Variants in AK9 observed in about 807,000 individuals in gnomAD.
AK9 encodes adenylate kinase 9, also known as adenylate kinase domain containing 1.
Under a neutral mutation model 239.6 loss-of-function variants are expected in AK9, and 191 were observed. The ratio of observed to expected loss-of-function variants is 0.80; its 90% CI spans 0.71 to 0.90. The LOEUF (loss-of-function observed/expected upper bound fraction) is 0.90, where lower values mean the gene tolerates loss of function less well. AK9 is among the 40% of genes least tolerant of loss of function. AK9 has a pLI of 0.00. For synonymous variants in AK9, 689 were observed against 721.0 expected, an observed-to-expected ratio of 0.96 and a Z score of 0.71; for missense variants, 1,995 against 2,214.7, an observed-to-expected ratio of 0.90 and a Z score of 1.99.
intron 38 of AK9, among the ~76,000 whole-genome samples, chr6:109,496,634 GTTC>G (rs1777063919): frequency 2.0e-5 from 3 of 152,066 alleles, no homozygotes; most frequent in African/African-American, 7.2e-5. Flanking sequence ...TGTCTCTGTG[GTTC>G]TTCTTTCTCA....
intron 1 of AK9, among the ~76,000 whole-genome samples, chr6:109,684,823 G>T (rs182111839): frequency 2.0e-3 from 225 of 114,224 alleles, no homozygotes; most frequent in Middle Eastern, 6.9e-3. Context: ...GCAGTGAGCC[G>T]AGATCCCGCC....
chr6:109,575,070 G>T (rs1787887775), intron 20 of AK9, among the ~76,000 whole-genome samples: 1 of 152,060 alleles, frequency 6.6e-6, no homozygotes, highest in South Asian at 2.1e-4. Flanking sequence ...AGTATTCCAT[G>T]GAATATATAT....
chr6:109,561,477 T>A (rs1419475646), intron 24 of AK9, among the ~76,000 whole-genome samples: 5 of 151,684 alleles, frequency 3.3e-5, no homozygotes, highest in African/African-American at 1.2e-4. Flanking sequence ...CCATGCCTGG[T>A]TAATTTTTGT....
chr6:109,632,360 C>T, intron 12 of AK9: 1 of 962,496 alleles, frequency 1.0e-6, no homozygotes, highest in Non-Finnish European at 1.2e-6. Context: ...CTCCACATTC[C>T]AATCCCTCAT....
rs932611846 is a variant in AK9 at position 109,668,245 on chromosome 6, G to GT, written c.331+3673dup. On this transcript the variant is annotated intron_variant, in intron 5 of 40. Transcript: ENST00000424296. The stretch of plus-strand genomic sequence containing the variant: ...TATCCTTTGCCCACTTTTTGATGGG[G>GT]TTTTTTTTTTCTTGTAAATTTGTTT... Among the ~76,000 whole-genome samples, 1,204 of 148,790 alleles carry GT rather than the reference G, an allele frequency of 8.1e-3. 26 individuals carry two copies. Among genetic ancestry groups the GT allele is most frequent in the African/African-American group, 0.026 (1,061 of 40,606 alleles).
rs150894971 is a variant in AK9 at position 109,675,942 on chromosome 6, T to G, written c.-11-186A>C. ...ATAAAAACAATAGTAAGCTCTTAGT[T>G]TGAGACAAAAACAAAATCCAACTAT... On this transcript the variant is annotated intron_variant, in intron 1 of 40. Transcript: ENST00000424296. Among the ~76,000 whole-genome samples the G allele has an allele frequency of 2.8e-3, 424 of 152,200 alleles. 1 individual carries two copies. Among genetic ancestry groups the G allele is most frequent in the African/African-American group, 9.7e-3 (405 of 41,548 alleles).
rs1487539327 is a variant in AK9, at chr6:109,683,230, G to T, written c.-11-7474C>A. On this transcript the variant is annotated intron_variant, in intron 1 of 40. Coordinates refer to ENST00000424296, the MANE Select transcript of AK9 (RefSeq NM_001145128.3). ...ACGCTAAAAACTCTCAATAAACTAG[G>T]TATCAATGGAACGTATCTCAAAATA... Among the ~76,000 whole-genome samples, 3 of 152,056 alleles carry T rather than the reference G, an allele frequency of 2.0e-5. No homozygotes were observed. The East Asian group carries it at 5.8e-4, about 29-fold the overall frequency.
At chr6:109,654,079 C>T (rs1378476316) in intron 8 of AK9, among the ~76,000 whole-genome samples, 2 of 152,030 alleles carry the variant, frequency 1.3e-5, no homozygotes, top group Non-Finnish European at 2.9e-5. Flanking sequence ...GGATGGCTCC[C>T]TTGTTTACCT....
At chr6:109,595,018 T>C (rs1199472243) in intron 17 of AK9, among the ~76,000 whole-genome samples, 1 of 152,116 alleles carries the variant, frequency 6.6e-6, no homozygotes, top group Admixed American at 6.5e-5. Flanking sequence ...TGGGATCTAA[T>C]TAAATTAAAG....
At chr6:109,520,098 T>TA (rs1779679277) in intron 29 of AK9, among the ~76,000 whole-genome samples, 1 of 152,178 alleles carries the variant, frequency 6.6e-6, no homozygotes, top group South Asian at 2.1e-4. Context: ...AGAAGCTCCA[T>TA]AGTCTTAGGT....
intron 15 of AK9, among the ~76,000 whole-genome samples, chr6:109,612,942 TTA>T (rs1435276115): frequency 6.7e-6 from 1 of 149,140 alleles, no homozygotes; most frequent in Non-Finnish European, 1.5e-5. Flanking sequence ...AAGCTATTAT[TTA>T]TATGTGTCCT....
chr6:109,654,341 A>G (rs1350605802), intron 8 of AK9, among the ~76,000 whole-genome samples: 1 of 151,696 alleles, frequency 6.6e-6, no homozygotes, highest in Non-Finnish European at 1.5e-5. Context: ...TAATATATAT[A>G]TTTTTTTTCT....
At chr6:109,689,436 C>A (rs964783429) in intron 1 of AK9, among the ~76,000 whole-genome samples, 2 of 152,222 alleles carry the variant, frequency 1.3e-5, no homozygotes, top group Non-Finnish European at 1.5e-5. Context: ...CTCTGGCTGC[C>A]AGAACCTACT....
At chr6:109,602,086 A>C (rs1792081179) in intron 17 of AK9, among the ~76,000 whole-genome samples, 1 of 152,140 alleles carries the variant, frequency 6.6e-6, no homozygotes, top group African/African-American at 2.4e-5. Flanking sequence ...TTTAAGGTTA[A>C]TATTGTTATG....
intron 13 of AK9, among the ~76,000 whole-genome samples, chr6:109,618,263 A>T: frequency 6.6e-6 from 1 of 152,060 alleles, no homozygotes; most frequent in Admixed American, 6.6e-5. Context: ...ATGTTGCATT[A>T]AGGACATTCC....
In AK9 at chr6:109,504,315, G is replaced by A. The variant is rs530243330; in HGVS notation, c.4849+2012C>T. On this transcript the variant is annotated intron_variant, in intron 35 of 40. Coordinates refer to ENST00000424296, the MANE Select transcript of AK9 (RefSeq NM_001145128.3). ...GGAGTTCAAAGCTACAGTGAGTTAT[G>A]ATTGTACCACTGCACCCCAGCCCGG... Among the ~76,000 whole-genome samples the A allele has an allele frequency of 3.3e-5, 5 of 152,194 alleles. No individual in the cohort carries two copies. In the South Asian group the frequency reaches 8.3e-4, roughly 25 times the overall value.
chr6:109,498,924 A>G lies in AK9; in HGVS notation c.5046+120T>C, dbSNP rs1300556334. ...TTGCTTCACTGGTCCCAGAGTCACA[A>G]GTTCCAGTAATGGGGCTCCTAGTCC... On this transcript the variant is annotated intron_variant, in intron 36 of 40. Coordinates refer to ENST00000424296, the MANE Select transcript of AK9 (RefSeq NM_001145128.3). 5 of 796,268 alleles carry G rather than the reference A, an allele frequency of 6.3e-6. No homozygotes were observed. In the African/African-American group the frequency reaches 7.2e-5, roughly 12 times the overall value. The allele number at this position is 796,268 out of a possible 1,614,324, so 49.3% of individuals were successfully genotyped here. A position where few individuals can be genotyped will look rare whatever the true frequency, so the allele number is the denominator to read the frequency against.
At chr6:109,545,140 G>A (rs956175065) in intron 26 of AK9, among the ~76,000 whole-genome samples, 5 of 152,164 alleles carry the variant, frequency 3.3e-5, no homozygotes, top group African/African-American at 1.2e-4. Context: ...AAGCACAGCT[G>A]TCTGCATAGA....
At chr6:109,660,335 T>C (rs1011658756) in intron 6 of AK9, among the ~76,000 whole-genome samples, 3 of 152,216 alleles carry the variant, frequency 2.0e-5, no homozygotes, top group African/African-American at 7.2e-5. Context: ...GAGGAGCTTG[T>C]TAAATCAATT....
Sources: allele counts gnomAD v4.1 joint callset (sites outside exome capture counted in the v4.1 genomes callset), GRCh38; gene constraint gnomAD v4.1.1; transcripts MANE v1.5; gene names NCBI Gene and HGNC (gene_info 2026-07-23, HGNC 2026-07-21).